Variants in UBE2V1 observed in about 807,000 individuals in gnomAD.
The protein encoded by UBE2V1 is ubiquitin-conjugating enzyme E2 variant 1.
UBE2V1 carries 15 observed loss-of-function variants against 19.6 expected under a neutral mutation model. That is an observed-to-expected ratio of 0.77 (90% CI 0.51 to 1.18). UBE2V1 has a LOEUF of 1.18. Among genes scored for constraint, UBE2V1 ranks in the 50% most tolerant of loss-of-function variants. UBE2V1 has a pLI of 0.00. For missense variants in UBE2V1, 125 were observed against 184.8 expected (o/e 0.68, Z 1.88); for synonymous variants, 60 against 60.7 (o/e 0.99, Z 0.05).
At chr20:50,115,870 T>A, upstream of UBE2V1, 1 of 278,770 alleles carries the variant, frequency 3.6e-6, no homozygotes, top group Non-Finnish European at 6.6e-6. Context: ...TCGCATGGAT[T>A]CCTTGGCTCT....
chr20:50,114,707 C>T (rs937188212), upstream of UBE2V1, among the ~76,000 whole-genome samples: 1 of 152,098 alleles, frequency 6.6e-6, no homozygotes, highest in Non-Finnish European at 1.5e-5. Flanking sequence ...TCAGATTTAA[C>T]GGGGCTTTCA....
chr20:50,090,649 G>C (rs1472589235), intron 2 of UBE2V1, among the ~76,000 whole-genome samples: 2 of 152,196 alleles, frequency 1.3e-5, no homozygotes, highest in African/African-American at 4.8e-5. Context: ...GGTTGACAGG[G>C]ACCAGGGTGT....
At chr20:50,111,810 C>CG (rs1393405202) in intron 1 of UBE2V1, among the ~76,000 whole-genome samples, 1 of 152,216 alleles carries the variant, frequency 6.6e-6, no homozygotes, top group Non-Finnish European at 1.5e-5. Context: ...CCAACACTGC[C>CG]GCTGCTGTGG....
chr20:50,112,856 G>A (rs1477871367), intron 1 of UBE2V1, among the ~76,000 whole-genome samples: 2 of 152,124 alleles, frequency 1.3e-5, no homozygotes, highest in African/African-American at 2.4e-5. Flanking sequence ...CAGCACAGAG[G>A]GCCCTCACGC....
intron 1 of UBE2V1, among the ~76,000 whole-genome samples, chr20:50,108,178 C>A (rs982951865): frequency 6.6e-6 from 1 of 152,172 alleles, no homozygotes; most frequent in African/African-American, 2.4e-5. Flanking sequence ...ATGGAAAGGG[C>A]AAGACTGAAA....
intron 1 of UBE2V1, 83 bp downstream of exon 1, chr20:50,113,024 C>A: frequency 1.7e-6 from 1 of 574,774 alleles, no homozygotes; most frequent in Non-Finnish European, 2.6e-6. Flanking sequence ...ACCCTGGCTC[C>A]GCTGCAGGAG....
At position 50,100,637 on chromosome 20, in the gene UBE2V1, T is replaced by C. The variant is rs143321789; in HGVS notation, c.23-3817A>G. Reference sequence around the variant, plus strand: ...AAATAAATGGCAAAGTATAACAGCTTCTACAGTTAAGCCCTTCATTACTGA... The same window carrying C: ...AAATAAATGGCAAAGTATAACAGCTCCTACAGTTAAGCCCTTCATTACTGA... On this transcript the variant is annotated intron_variant, in intron 1 of 3. Coordinates refer to ENST00000371674, the MANE Select transcript of UBE2V1 (RefSeq NM_001032288.3). Among the ~76,000 whole-genome samples, 81 of 152,350 alleles carry C rather than the reference T, an allele frequency of 5.3e-4. No individual in the cohort carries two copies. In the East Asian group the frequency reaches 9.1e-3, roughly 17 times the overall value.
chr20:50,102,130 T>G (rs1381096259), intron 1 of UBE2V1, among the ~76,000 whole-genome samples: 1 of 152,186 alleles, frequency 6.6e-6, no homozygotes, highest in Non-Finnish European at 1.5e-5. Context: ...GAGCAAACAC[T>G]GTGACCGAAC....
chr20:50,101,416 C>CTTT (rs11474905), intron 1 of UBE2V1, among the ~76,000 whole-genome samples: 26 of 126,304 alleles, frequency 2.1e-4, no homozygotes, highest in African/African-American at 4.2e-4. Context: ...CCTCAAAGAA[C>CTTT]TTTTTTTTTT....
At chr20:50,091,340 C>T (rs1419912303) in intron 2 of UBE2V1, among the ~76,000 whole-genome samples, 1 of 151,314 alleles carries the variant, frequency 6.6e-6, no homozygotes, top group African/African-American at 2.4e-5. Flanking sequence ...ATCACCACAC[C>T]TGGGCTTTTG....
At chr20:50,102,511 C>G (rs982853856) in intron 1 of UBE2V1, among the ~76,000 whole-genome samples, 1 of 152,138 alleles carries the variant, frequency 6.6e-6, no homozygotes, top group Non-Finnish European at 1.5e-5. Context: ...AAAGACAGGT[C>G]AGAGTAATGG....
intron 1 of UBE2V1, among the ~76,000 whole-genome samples, chr20:50,097,591 G>A (rs1481067549): frequency 1.3e-5 from 2 of 152,302 alleles, no homozygotes; most frequent in Non-Finnish European, 2.9e-5. Flanking sequence ...TGGGAGGAGA[G>A]AGAGATGGAC....
At position 50,082,733 on chromosome 20, in the gene UBE2V1, G is replaced by A; in HGVS notation, c.*35C>T. On this transcript the variant is annotated 3_prime_UTR_variant, in exon 4 of 4. Transcript: ENST00000371674. ...ATGAAGACTGATTAAATCGAATTGG[G>A]GGGAAGGGGAAGGGCCTGTGGTTTT... 1 of 1,599,624 alleles carries A rather than the reference G, an allele frequency of 6.3e-7. No individual in the cohort carries two copies. The highest frequency in any genetic ancestry group is 8.5e-7 in the Non-Finnish European group (1 of 1,177,890).
At chr20:50,100,096 T>C (rs1037058616) in intron 1 of UBE2V1, among the ~76,000 whole-genome samples, 1 of 151,656 alleles carries the variant, frequency 6.6e-6, no homozygotes, top group Non-Finnish European at 1.5e-5. Context: ...AGACCCTGTC[T>C]CAAAAACCAA....
intron 3 of UBE2V1, 112 bp from the exon 4 acceptor site, chr20:50,083,026 C>T: frequency 1.3e-6 from 2 of 1,498,274 alleles, no homozygotes; most frequent in Non-Finnish European, 1.8e-6. Flanking sequence ...TTAAGCTGAA[C>T]CTGCTGCTAA....
rs377228046 is a variant in UBE2V1 at position 50,106,840 on chromosome 20, CCAAAAA to C, written c.22+6261_22+6266del. 2.4e-4 allele frequency among the ~76,000 whole-genome samples: 34 copies of C among 139,928 alleles called. 1 individual carries two copies. The highest frequency in any genetic ancestry group is 8.9e-4 in the African/African-American group (32 of 35,764). The allele number at this position is 139,928 out of a possible 152,430, so 91.8% of individuals were successfully genotyped here. A position where few individuals can be genotyped will look rare whatever the true frequency, so the allele number is the denominator to read the frequency against. ...ACAAGAGTGAAACTCTGTTTCAAAA[CCAAAAA>C]CAACAACAACAACAACAACAACAAC... On this transcript the variant is annotated intron_variant, in intron 1 of 3. Transcript: ENST00000371674.
intron 1 of UBE2V1, chr20:50,099,001 T>C (rs1486275399): frequency 1.0e-6 from 1 of 982,998 alleles, no homozygotes; most frequent in Non-Finnish European, 1.2e-6. Context: ...AGTGGTGACA[T>C]TATAGGCAAA....
Position 50,099,589 on chromosome 20 carries a change from C to T in UBE2V1, c.23-2769G>A, listed in dbSNP as rs774098779. Among the ~76,000 whole-genome samples, 8 of 152,148 alleles carry T rather than the reference C, an allele frequency of 5.3e-5. No individual in the cohort carries two copies. In the South Asian group the frequency reaches 6.2e-4, roughly 12 times the overall value. On this transcript the variant is annotated intron_variant, in intron 1 of 3. Coordinates refer to ENST00000371674, the MANE Select transcript of UBE2V1 (RefSeq NM_001032288.3). ...AGGAACCATTTCAACTGCACCCCCACGCAAGGACCTACCCAGGGCCTGTGC... is the reference window on the plus strand; with the variant it reads ...AGGAACCATTTCAACTGCACCCCCATGCAAGGACCTACCCAGGGCCTGTGC...
chr20:50,099,103 C>CTT, intron 1 of UBE2V1: 1 of 338,046 alleles, frequency 3.0e-6, no homozygotes, highest in Non-Finnish European at 4.2e-6. Context: ...CACTACATTA[C>CTT]TACTGGTTAA....
Sources: gnomAD v4.1 joint callset for allele counts (sites outside exome capture counted in the v4.1 genomes callset) on GRCh38, gnomAD v4.1.1 for gene constraint, MANE v1.5 for transcripts, NCBI Gene and HGNC (gene_info 2026-07-23, HGNC 2026-07-21) for gene names.